The following MCU variants were observed in gnomAD, a reference collection of about 807,000 sequenced individuals.
MCU encodes mitochondrial calcium uniporter.
A neutral mutation model predicts 45.2 loss-of-function variants in MCU; 12 were observed. The ratio of observed to expected loss-of-function variants is 0.27; its 90% confidence interval spans 0.17 to 0.43. The LOEUF (loss-of-function observed/expected upper bound fraction) is 0.43, where lower values mean the gene tolerates loss of function less well. Among genes scored for constraint, MCU ranks in the 20% least tolerant of loss-of-function variants. The pLI is 1.00. For synonymous variants in MCU, 160 were observed against 165.1 expected, an observed-to-expected ratio of 0.97 and a Z score of 0.24; for missense variants, 324 against 436.7, an observed-to-expected ratio of 0.74 and a Z score of 2.30.
intron 2 of MCU, among the ~76,000 whole-genome samples, chr10:72,850,610 A>T (rs1157923998): frequency 6.6e-6 from 1 of 152,204 alleles, no homozygotes; most frequent in Non-Finnish European, 1.5e-5. Flanking sequence ...GATGCCTCAA[A>T]GGCATTTTTA....
intron 1 of MCU, among the ~76,000 whole-genome samples, chr10:72,828,371 C>T (rs1391143982): frequency 6.6e-6 from 1 of 152,068 alleles, no homozygotes. Context: ...TTTGAGGTAG[C>T]TAATAGGTGT....
At chr10:72,810,301 T>G (rs1844520280) in intron 1 of MCU, among the ~76,000 whole-genome samples, 1 of 152,004 alleles carries the variant, frequency 6.6e-6, no homozygotes, top group Admixed American at 6.6e-5. Context: ...CCTATTTTAC[T>G]GGTTTCAGTA....
chr10:72,886,000 T>A lies in MCU; in HGVS notation c.*178T>A. 1 of 574,426 alleles carries A rather than the reference T, an allele frequency of 1.7e-6. No homozygotes were observed. The highest frequency in any genetic ancestry group is 3.1e-6 in the Non-Finnish European group (1 of 323,074). 35.6% of individuals were successfully genotyped at this position (574,426 alleles called of 1,614,324 possible). A position where few individuals can be genotyped will look rare whatever the true frequency, so the allele number is the denominator to read the frequency against. On this transcript the variant is annotated 3_prime_UTR_variant, in exon 8 of 8. Coordinates refer to ENST00000373053, the MANE Select transcript of MCU (RefSeq NM_138357.3). ...AATGTTAAAACCTGAGGATCAGGCA[T>A]TGTGGAATATAAGCTCAAAGGGCTT...
intron 1 of MCU, among the ~76,000 whole-genome samples, chr10:72,732,242 G>T (rs1843186262): frequency 6.6e-6 from 1 of 152,152 alleles, no homozygotes; most frequent in Non-Finnish European, 1.5e-5. Flanking sequence ...CAGCACTTTA[G>T]CCCATTTTCA....
At chr10:72,747,039 AAC>A (rs1241549863) in intron 1 of MCU, among the ~76,000 whole-genome samples, 1 of 152,250 alleles carries the variant, frequency 6.6e-6, no homozygotes, top group African/African-American at 2.4e-5. Context: ...CTAAAAATAT[AAC>A]GAAAAAGTTA....
chr10:72,823,309 AG>A (rs2132818729), intron 1 of MCU, among the ~76,000 whole-genome samples: 1 of 152,324 alleles, frequency 6.6e-6, no homozygotes, highest in South Asian at 2.1e-4. Flanking sequence ...AAAATACAGA[AG>A]ATGGTAGTGA....
intron 1 of MCU, among the ~76,000 whole-genome samples, chr10:72,798,833 A>G (rs1254148594): frequency 6.6e-6 from 1 of 152,208 alleles, no homozygotes; most frequent in Non-Finnish European, 1.5e-5. Flanking sequence ...CATACTGTAT[A>G]TTTTGAATAT....
intron 4 of MCU, chr10:72,861,576 A>T: frequency 3.1e-6 from 1 of 318,982 alleles, no homozygotes; most frequent in Non-Finnish European, 6.0e-6. Flanking sequence ...CGGACTCTTG[A>T]CCTCAGGTGA....
intron 1 of MCU, among the ~76,000 whole-genome samples, chr10:72,747,008 A>G (rs1843423686): frequency 6.6e-6 from 1 of 152,268 alleles, no homozygotes; most frequent in East Asian, 1.9e-4. Flanking sequence ...AAATGTGACC[A>G]AAACCAGCTA....
At chr10:72,834,993 T>C (rs985764785) in intron 2 of MCU, among the ~76,000 whole-genome samples, 1 of 152,166 alleles carries the variant, frequency 6.6e-6, no homozygotes, top group African/African-American at 2.4e-5. Context: ...AATGTGAAGA[T>C]CACAGAAGCA....
intron 1 of MCU, among the ~76,000 whole-genome samples, chr10:72,761,791 A>G (rs975913088): frequency 1.3e-5 from 2 of 152,144 alleles, no homozygotes; most frequent in Admixed American, 6.5e-5. Flanking sequence ...TAGTGTACCA[A>G]TTACCTGAGT....
intron 1 of MCU, among the ~76,000 whole-genome samples, chr10:72,731,544 A>G (rs1325317506): frequency 6.6e-6 from 1 of 152,106 alleles, no homozygotes; most frequent in Non-Finnish European, 1.5e-5. Flanking sequence ...TGTAACCATC[A>G]CCAATATCTG....
At chr10:72,762,659 C>T (rs1231452795) in intron 1 of MCU, among the ~76,000 whole-genome samples, 1 of 152,112 alleles carries the variant, frequency 6.6e-6, no homozygotes, top group African/African-American at 2.4e-5. Context: ...TTCTAAAATA[C>T]TATTGAGCAC....
At chr10:72,757,658 G>A (rs1843597970) in intron 1 of MCU, among the ~76,000 whole-genome samples, 1 of 152,178 alleles carries the variant, frequency 6.6e-6, no homozygotes, top group South Asian at 2.1e-4. Context: ...GGTCTGAAGA[G>A]ATAATTTGAA....
intron 1 of MCU, chr10:72,692,597 C>T (rs1842636892): frequency 9.1e-7 from 1 of 1,099,930 alleles, no homozygotes; most frequent in Non-Finnish European, 1.1e-6. Context: ...CCCGACTCGC[C>T]CCCAATCGCG....
intron 1 of MCU, among the ~76,000 whole-genome samples, chr10:72,802,783 A>T (rs7904565): frequency 0.57 from 86,481 of 152,040 alleles, 25,914 homozygotes; most frequent in Non-Finnish European, 0.67. Flanking sequence ...TTATATGTAT[A>T]TCCCCTTATT....
intron 1 of MCU, among the ~76,000 whole-genome samples, chr10:72,832,211 G>A (rs1235609044): frequency 6.6e-6 from 1 of 152,058 alleles, no homozygotes; most frequent in African/African-American, 2.4e-5. Context: ...TGTGATTACC[G>A]GCGTGAACTA....
At chr10:72,801,825 C>G (rs1844346753) in intron 1 of MCU, among the ~76,000 whole-genome samples, 1 of 151,800 alleles carries the variant, frequency 6.6e-6, no homozygotes, top group African/African-American at 2.4e-5. Context: ...ATACACACCA[C>G]TATGCCTGGC....
chr10:72,819,353 G>C (rs1285387326), intron 1 of MCU, among the ~76,000 whole-genome samples: 1 of 152,148 alleles, frequency 6.6e-6, no homozygotes, highest in Non-Finnish European at 1.5e-5. Flanking sequence ...GACACAACTT[G>C]TTAGCCCTTT....
Sources: gnomAD v4.1 joint callset for allele counts (sites outside exome capture counted in the v4.1 genomes callset) on GRCh38, gnomAD v4.1.1 for gene constraint, MANE v1.5 for transcripts, NCBI Gene and HGNC (gene_info 2026-07-23, HGNC 2026-07-21) for gene names.